The following UGGT2 variants were observed in gnomAD, a reference collection of about 807,000 sequenced individuals.
The protein encoded by UGGT2 is UDP-glucose glycoprotein glucosyltransferase 2, also known as UDP-glucose:glycoprotein glucosyltransferase 2.
UGGT2 carries 180 observed loss-of-function variants against 192.1 expected under a neutral mutation model. That is an observed-to-expected ratio of 0.94 (90% CI 0.83 to 1.06). The LOEUF (loss-of-function observed/expected upper bound fraction) is 1.06. Ranked by LOEUF, UGGT2 falls within the 50% of genes least tolerant of loss-of-function variation. UGGT2 has a pLI of 0.00. For synonymous variants in UGGT2, 580 were observed against 591.0 expected, an observed-to-expected ratio of 0.98 and a Z score of 0.27; for missense variants, 1,849 against 1,795.7, an observed-to-expected ratio of 1.03 and a Z score of -0.54.
At chr13:95,853,487 A>G in intron 36 of UGGT2, 56 bp downstream of exon 36, 1 of 1,389,550 alleles carries the variant, frequency 7.2e-7, no homozygotes, top group Non-Finnish European at 1.0e-6. Flanking sequence ...ATGAGCACGG[A>G]GTTGGAACAG....
chr13:95,967,715 G>A (rs559562442), intron 12 of UGGT2, among the ~76,000 whole-genome samples: 4 of 151,624 alleles, frequency 2.6e-5, no homozygotes, highest in South Asian at 2.1e-4. Flanking sequence ...CTCATGATCC[G>A]CCCACCTTGG....
chr13:95,836,648 G>T lies in UGGT2; in HGVS notation c.4401+438C>A, dbSNP rs1349163841. On this transcript the variant is annotated intron_variant, in intron 37 of 38. Coordinates refer to ENST00000376747, the MANE Select transcript of UGGT2 (RefSeq NM_020121.4). ...CCCAGTAAAACCCCTGGACACTGGG[G>T]TTTCTAATAAATGTCCTTAGTAGGT... Among the ~76,000 whole-genome samples the T allele has an allele frequency of 2.6e-5, 4 of 152,182 alleles. No homozygotes were observed. In the South Asian group the frequency reaches 6.2e-4, roughly 24 times the overall value.
chr13:95,946,936 C>A (rs568832300), intron 15 of UGGT2, 101 bp downstream of exon 15: 2 of 1,246,140 alleles, frequency 1.6e-6, no homozygotes, highest in Non-Finnish European at 2.2e-6. Context: ...TGAAATGTTA[C>A]AATAAATGTA....
At chr13:95,927,163 A>G (rs2049041946) in intron 18 of UGGT2, 37 bp from the exon 19 acceptor site, 1 of 1,605,376 alleles carries the variant, frequency 6.2e-7, no homozygotes, top group African/African-American at 1.3e-5. Flanking sequence ...ATATAAATAA[A>G]GAATTCACAA....
intron 20 of UGGT2, among the ~76,000 whole-genome samples, chr13:95,916,276 T>G (rs1157245518): frequency 1.3e-5 from 2 of 152,218 alleles, no homozygotes; most frequent in East Asian, 1.9e-4. Context: ...AACTAGGGTC[T>G]GGAGTGAACC....
chr13:95,910,276 A>G (rs951593935), intron 20 of UGGT2, among the ~76,000 whole-genome samples: 2 of 152,214 alleles, frequency 1.3e-5, no homozygotes, highest in Admixed American at 1.3e-4. Flanking sequence ...TAAAAGCCCC[A>G]ATTAAAAGAC....
chr13:96,021,513 A>G (rs933285998), intron 4 of UGGT2, among the ~76,000 whole-genome samples: 1 of 152,212 alleles, frequency 6.6e-6, no homozygotes, highest in Non-Finnish European at 1.5e-5. Flanking sequence ...TCACTTTACG[A>G]AAGTAGAATG....
intron 20 of UGGT2, 120 bp from the exon 21 acceptor site, chr13:95,903,180 C>T (rs2140295210): frequency 1.1e-6 from 1 of 914,522 alleles, no homozygotes; most frequent in African/African-American, 1.7e-5. Context: ...ACTATCAAAG[C>T]CCTCCCATGT....
At chr13:95,978,665 C>T (rs1423156184) in intron 10 of UGGT2, among the ~76,000 whole-genome samples, 3 of 152,172 alleles carry the variant, frequency 2.0e-5, no homozygotes, top group African/African-American at 2.4e-5. Context: ...TCAGGTCTCA[C>T]ATTTAAGTCT....
chr13:95,976,827 G>A lies in UGGT2; in HGVS notation c.1093-4156C>T, dbSNP rs563615348. Among the ~76,000 whole-genome samples, 6 of 152,226 alleles carry A rather than the reference G, an allele frequency of 3.9e-5. No homozygotes were observed. In the East Asian group the frequency reaches 7.7e-4, roughly 20 times the overall value. ...CTACAAGGCTACAGTAACTAAAACC[G>A]CATGGTACTGGTACCAAAACAGATA... On this transcript the variant is annotated intron_variant, in intron 10 of 38. Coordinates refer to ENST00000376747, the MANE Select transcript of UGGT2 (RefSeq NM_020121.4).
In UGGT2 at chr13:96,031,964, T is replaced by C. The variant is rs558709329; in HGVS notation, c.166A>G (p.Met56Val). The C allele has an allele frequency of 1.9e-6, 3 of 1,607,538 alleles. No homozygotes were observed. The highest frequency in any genetic ancestry group is 4.5e-5 in the East Asian group (2 of 44,634). ...AATTTTTCATTACTTTCTTCTGCCA[T>C]AAATTCACTATTAAAAAAATAGAAG... ...TPLLLEASEF[M>V]AEESNEKFWQ... The change falls in exon 2 of 39, where the codon ATG (methionine) becomes GTG (valine). Residue 56 changes from methionine to valine, a missense_variant. Physicochemically the swap from Met to Val is conservative, Grantham distance 21. Coordinates refer to ENST00000376747, the MANE Select transcript of UGGT2 (RefSeq NM_020121.4).
rs149368265 is a variant in UGGT2, at chr13:95,808,836, G to A, written c.4529-7024C>T. On this transcript the variant is annotated intron_variant, in intron 38 of 38. Coordinates refer to ENST00000376747, the MANE Select transcript of UGGT2 (RefSeq NM_020121.4). ...GACTATCACAACTAAATATGTTACA[G>A]AGTGCACACAATTCAGACAGGGAAA... Among the ~76,000 whole-genome samples, 1,025 of 152,310 alleles carry A rather than the reference G, an allele frequency of 6.7e-3. 7 individuals carry two copies. The highest frequency in any genetic ancestry group is 0.031 in the Middle Eastern group (9 of 294).
At chr13:95,909,724 C>T (rs2048415953) in intron 20 of UGGT2, among the ~76,000 whole-genome samples, 1 of 128,242 alleles carries the variant, frequency 7.8e-6, no homozygotes, top group African/African-American at 3.0e-5. Flanking sequence ...GCACAATGTG[C>T]ACATGTACCC....
chr13:96,012,680 T>C (rs2052199766), intron 5 of UGGT2, among the ~76,000 whole-genome samples: 2 of 152,062 alleles, frequency 1.3e-5, no homozygotes, highest in African/African-American at 4.8e-5. Context: ...AAGCACTCCA[T>C]GTTGGGAAGA....
chr13:96,050,765 A>G (rs566032191), intron 1 of UGGT2, among the ~76,000 whole-genome samples: 81 of 152,346 alleles, frequency 5.3e-4, no homozygotes, highest in African/African-American at 1.8e-3. Context: ...AGAAATGCAA[A>G]TCAAAACCAC....
At chr13:95,999,427 T>C (rs2051727690) in intron 5 of UGGT2, 120 bp from the exon 6 acceptor site, 1 of 879,666 alleles carries the variant, frequency 1.1e-6, no homozygotes, top group African/African-American at 1.7e-5. Flanking sequence ...AGGTTTTTAA[T>C]CACTCTGAAA....
intron 1 of UGGT2, among the ~76,000 whole-genome samples, chr13:96,047,608 A>G (rs2053354308): frequency 1.3e-5 from 2 of 152,226 alleles, no homozygotes; most frequent in African/African-American, 2.4e-5. Flanking sequence ...TGAGAGAGAC[A>G]CACATAGGCT....
intron 29 of UGGT2, among the ~76,000 whole-genome samples, chr13:95,876,054 T>C (rs1279606315): frequency 2.2e-5 from 3 of 139,096 alleles, no homozygotes; most frequent in African/African-American, 5.1e-5. Flanking sequence ...ATTTTTACAC[T>C]TTAAAATAAT....
chr13:95,894,611 G>A lies in UGGT2; in HGVS notation c.2806C>T (p.Pro936Ser). 6.2e-7 allele frequency: 1 copy of A among 1,612,072 alleles called. No individual in the cohort carries two copies. ...ACATCATATCGAGATGCACGCTTAG[G>A]CACAGAGGACATAAGGGCATCAACT... ...MKVDALMSSVPKRASRYDVTF... is the reference protein window; with the variant it reads ...MKVDALMSSVSKRASRYDVTF... The change falls in exon 24 of 39, where the codon CCT becomes TCT. Residue 936 changes from proline (P) to serine (S), a missense_variant. By Grantham distance (74) the Pro-to-Ser change is moderately conservative. Transcript: ENST00000376747.
Sources: gnomAD v4.1 joint callset for allele counts (sites outside exome capture counted in the v4.1 genomes callset) on GRCh38, gnomAD v4.1.1 for gene constraint, MANE v1.5 for transcripts, NCBI Gene and HGNC (gene_info 2026-07-23, HGNC 2026-07-21) for gene names.